The following MCC variants were observed in gnomAD, a reference collection of about 807,000 sequenced individuals.
MCC encodes the protein colorectal mutant cancer protein.
A neutral mutation model predicts 116.2 loss-of-function variants in MCC; 90 were observed. That is an observed-to-expected ratio of 0.77 (90% CI 0.65 to 0.92). MCC has a LOEUF of 0.92. Ranked by LOEUF, MCC falls within the 40% of genes least tolerant of loss-of-function variation. The pLI, the probability that MCC is intolerant of heterozygous loss-of-function variation, is 0.00. For synonymous variants in MCC, 578 were observed against 510.5 expected (o/e 1.13, Z -1.78); for missense variants, 1,516 against 1,312.2 (o/e 1.16, Z -2.40).
chr5:113,240,127 G>T (rs1764310890), intron 3 of MCC, among the ~76,000 whole-genome samples: 1 of 152,086 alleles, frequency 6.6e-6, no homozygotes, highest in Non-Finnish European at 1.5e-5. Context: ...TGTCATGTCG[G>T]TCTCTCCCAT....
intron 1 of MCC, among the ~76,000 whole-genome samples, chr5:113,419,987 G>T (rs1294808375): frequency 6.7e-6 from 1 of 150,150 alleles, no homozygotes; most frequent in African/African-American, 2.5e-5. Flanking sequence ...AAACCTGCAC[G>T]TTGTGCACAT....
At position 113,323,852 on chromosome 5, in the gene MCC, T is replaced by C. The variant is rs186033190; in HGVS notation, c.627+16667A>G. Among the ~76,000 whole-genome samples the C allele has an allele frequency of 1.6e-3, 239 of 152,226 alleles. 1 individual carries two copies. The highest frequency in any genetic ancestry group is 4.9e-3 in the African/African-American group (202 of 41,550). Reference sequence around the variant, plus strand: ...ACTGCACTATGATCATACCTCTGAATAGCCAGTGCACTCCATCCTGGGCAC... The same window carrying C: ...ACTGCACTATGATCATACCTCTGAACAGCCAGTGCACTCCATCCTGGGCAC... On this transcript the variant is annotated intron_variant, in intron 3 of 18. Coordinates refer to ENST00000408903, the MANE Select transcript of MCC (RefSeq NM_001085377.2).
intron 3 of MCC, among the ~76,000 whole-genome samples, chr5:113,295,829 C>T (rs1455414743): frequency 6.6e-6 from 1 of 152,154 alleles, no homozygotes; most frequent in Non-Finnish European, 1.5e-5. Context: ...AGTAGGTCTG[C>T]GAGATTGCTT....
At chr5:113,064,982 C>T (rs1430815518) in intron 13 of MCC, among the ~76,000 whole-genome samples, 1 of 152,072 alleles carries the variant, frequency 6.6e-6, no homozygotes, top group Non-Finnish European at 1.5e-5. Context: ...AGAGCAAGAC[C>T]CTGTCTCCAA....
At chr5:113,363,833 T>C (rs1263144169) in intron 2 of MCC, among the ~76,000 whole-genome samples, 3 of 152,224 alleles carry the variant, frequency 2.0e-5, no homozygotes, top group Middle Eastern at 3.2e-3. Flanking sequence ...CTAGGCCTTA[T>C]GCCTATAATC....
At chr5:113,241,438 T>A (rs1764363724) in intron 3 of MCC, among the ~76,000 whole-genome samples, 1 of 152,004 alleles carries the variant, frequency 6.6e-6, no homozygotes, top group Non-Finnish European at 1.5e-5. Context: ...CCAAGAAAAA[T>A]AATTTACTCT....
intron 3 of MCC, among the ~76,000 whole-genome samples, chr5:113,165,912 C>A (rs1027881764): frequency 6.6e-6 from 1 of 151,950 alleles, no homozygotes; most frequent in Non-Finnish European, 1.5e-5. Flanking sequence ...CGGCTTTCTG[C>A]CCCCAAAACA....
intron 3 of MCC, among the ~76,000 whole-genome samples, chr5:113,271,442 G>C (rs1475150244): frequency 6.6e-6 from 1 of 152,194 alleles, no homozygotes. Flanking sequence ...GGTTCCTTAT[G>C]ATCAGTCATC....
At chr5:113,374,991 CAAAAA>C (rs70973680) in intron 2 of MCC, among the ~76,000 whole-genome samples, 2 of 85,228 alleles carry the variant, frequency 2.3e-5, no homozygotes, top group East Asian at 4.5e-4. Flanking sequence ...GACCCTGTCT[CAAAAA>C]AAAAAAAAAA....
intron 1 of MCC, among the ~76,000 whole-genome samples, chr5:113,407,689 T>C (rs1769875257): frequency 1.3e-5 from 2 of 152,178 alleles, no homozygotes; most frequent in African/African-American, 4.8e-5. Flanking sequence ...GCAGGTTTGT[T>C]ACATAGGTAT....
chr5:113,194,049 A>G (rs2150315102), intron 3 of MCC, among the ~76,000 whole-genome samples: 1 of 152,310 alleles, frequency 6.6e-6, no homozygotes, highest in Non-Finnish European at 1.5e-5. Flanking sequence ...GCACAAACTG[A>G]AGAAACAGCA....
chr5:113,392,669 T>C (rs552040787), intron 1 of MCC, among the ~76,000 whole-genome samples: 15 of 152,310 alleles, frequency 9.8e-5, no homozygotes, highest in Non-Finnish European at 1.9e-4. Context: ...TTAATAGTCA[T>C]ATTTATAATA....
At position 113,431,767 on chromosome 5, in the gene MCC, G is replaced by GGA. The variant is rs539247755; in HGVS notation, c.171-46556_171-46555insTC. ...TCCCAGCAGTTTGGGAGGCCAAGGG[G>GGA]GGGGGGGGGTGGATCACGAGGTCAA... On this transcript the variant is annotated intron_variant, in intron 1 of 18. Coordinates refer to ENST00000408903, the MANE Select transcript of MCC (RefSeq NM_001085377.2). Among the ~76,000 whole-genome samples, 780 of 124,476 alleles carry GGA rather than the reference G, an allele frequency of 6.3e-3. 37 individuals are homozygous for GGA. Among genetic ancestry groups the GGA allele is most frequent in the African/African-American group, 0.022 (617 of 28,442 alleles). The allele number at this position is 124,476 out of a possible 152,430, so 81.7% of individuals were successfully genotyped here. A position where few individuals can be genotyped will look rare whatever the true frequency, so the allele number is the denominator to read the frequency against.
chr5:113,238,086 A>G (rs1267599238), intron 3 of MCC, among the ~76,000 whole-genome samples: 1 of 152,214 alleles, frequency 6.6e-6, no homozygotes, highest in African/African-American at 2.4e-5. Context: ...GAATGCAGCT[A>G]TATCTGGCTT....
chr5:113,340,448 C>T (rs1767980965), intron 3 of MCC, 71 bp downstream of exon 3: 6 of 1,355,082 alleles, frequency 4.4e-6, no homozygotes, highest in African/African-American at 1.4e-5. Flanking sequence ...CCCTGGAGCA[C>T]AAAATTAAAA....
At chr5:113,084,349 C>G (rs1227216563) in intron 9 of MCC, among the ~76,000 whole-genome samples, 159 bp from the exon 10 acceptor site, 1 of 152,218 alleles carries the variant, frequency 6.6e-6, no homozygotes. Context: ...CCAGCTTAAG[C>G]CAGGGCCTTT....
intron 3 of MCC, among the ~76,000 whole-genome samples, chr5:113,247,091 A>G (rs1764609867): frequency 6.6e-6 from 1 of 152,216 alleles, no homozygotes; most frequent in Non-Finnish European, 1.5e-5. Flanking sequence ...TGGACACTGG[A>G]AAGGTAACGT....
chr5:113,423,648 T>C (rs1246070339), intron 1 of MCC, among the ~76,000 whole-genome samples: 1 of 152,150 alleles, frequency 6.6e-6, no homozygotes, highest in African/African-American at 2.4e-5. Context: ...AAGCAAGTAT[T>C]GGCCAGGCTC....
chr5:113,268,656 T>C (rs137982495), intron 3 of MCC, among the ~76,000 whole-genome samples: 1,637 of 152,310 alleles, frequency 0.011, 17 homozygotes, highest in Middle Eastern at 0.044. Flanking sequence ...TTAAAGAACA[T>C]GAGCTCCCAG....
Sources: allele counts gnomAD v4.1 joint callset (sites outside exome capture counted in the v4.1 genomes callset), GRCh38; gene constraint gnomAD v4.1.1; transcripts MANE v1.5; gene names NCBI Gene and HGNC (gene_info 2026-07-23, HGNC 2026-07-21).